The following FHOD3 variants were observed in gnomAD, a reference collection of about 807,000 sequenced individuals.
The protein encoded by FHOD3 is formin homology 2 domain containing 3, also known as FH1/FH2 domain-containing protein 3.
In FHOD3, 90 loss-of-function variants were observed where a neutral mutation model predicts 173.0. The ratio of observed to expected loss-of-function variants is 0.52; its 90% CI spans 0.44 to 0.62. FHOD3 has a LOEUF of 0.62. FHOD3 is among the 20% of genes least tolerant of loss of function. The pLI is 0.00. For synonymous variants in FHOD3, 828 were observed against 823.0 expected (o/e 1.01, Z -0.10); for missense variants, 1,945 against 2,034.7 (o/e 0.96, Z 0.85).
intron 7 of FHOD3, among the ~76,000 whole-genome samples, chr18:36,599,898 A>G (rs970501401): frequency 6.7e-6 from 1 of 148,776 alleles, no homozygotes; most frequent in Non-Finnish European, 1.5e-5. Flanking sequence ...ATATTTGAGT[A>G]TCAATTGTGT....
intron 9 of FHOD3, among the ~76,000 whole-genome samples, chr18:36,615,932 C>T (rs932211039): frequency 6.6e-6 from 1 of 152,184 alleles, no homozygotes; most frequent in Non-Finnish European, 1.5e-5. Context: ...TATTTGCTGG[C>T]AGCACTTGAA....
intron 5 of FHOD3, among the ~76,000 whole-genome samples, chr18:36,525,973 G>A (rs2056490756): frequency 6.6e-6 from 1 of 152,240 alleles, no homozygotes; most frequent in Non-Finnish European, 1.5e-5. Context: ...CTGAGTTTTA[G>A]GAAAAGATGA....
chr18:36,304,903 A>G (rs2092051281), intron 1 of FHOD3, among the ~76,000 whole-genome samples: 2 of 152,206 alleles, frequency 1.3e-5, no homozygotes, highest in African/African-American at 4.8e-5. Context: ...GCATAGCCAC[A>G]CTGGGGTGTT....
chr18:36,706,285 T>TTTAATTTGTTAA (rs1201074243), intron 17 of FHOD3, among the ~76,000 whole-genome samples: 3 of 152,186 alleles, frequency 2.0e-5, no homozygotes, highest in Non-Finnish European at 2.9e-5. Context: ...GTGACAGTTA[T>TTTAATTTGTTAA]TTAATTTGTT....
intron 28 of FHOD3, 140 bp from the exon 29 acceptor site, chr18:36,779,308 G>A (rs978080817): frequency 8.7e-6 from 6 of 693,582 alleles, no homozygotes; most frequent in South Asian, 1.8e-5. Context: ...AGAGCAGGAA[G>A]GTACAGAGTG....
At chr18:36,519,424 A>T (rs543395699) in intron 5 of FHOD3, among the ~76,000 whole-genome samples, 20 of 152,128 alleles carry the variant, frequency 1.3e-4, no homozygotes, top group Admixed American at 3.3e-4. Flanking sequence ...GCCTACCCCT[A>T]GTCTCAGGGC....
chr18:36,316,186 A>G (rs573096983), intron 1 of FHOD3, among the ~76,000 whole-genome samples: 77 of 152,130 alleles, frequency 5.1e-4, no homozygotes, highest in Admixed American at 1.8e-3. Flanking sequence ...CAGCTCCATT[A>G]AATTAACATA....
chr18:36,477,486 CCCATCCATCCATCCAT>C (rs1197297465), intron 3 of FHOD3, among the ~76,000 whole-genome samples: 4 of 125,554 alleles, frequency 3.2e-5, no homozygotes, highest in Admixed American at 7.9e-5. Context: ...CACTCACCCA[CCCATCCATCCATCCAT>C]CCATCCATCC....
At chr18:36,337,184 A>T (rs2045364601) in intron 1 of FHOD3, among the ~76,000 whole-genome samples, 1 of 152,072 alleles carries the variant, frequency 6.6e-6, no homozygotes, top group South Asian at 2.1e-4. Context: ...AAAAAAAAAA[A>T]AAAAAGTTAA....
intron 3 of FHOD3, among the ~76,000 whole-genome samples, chr18:36,384,878 C>T (rs545468040): frequency 9.9e-5 from 15 of 151,974 alleles, no homozygotes; most frequent in African/African-American, 3.4e-4. Context: ...AGGCTAAGCC[C>T]TTGGCAAGTG....
At chr18:36,756,808 A>G (rs1278008922) in intron 25 of FHOD3, among the ~76,000 whole-genome samples, 1 of 152,164 alleles carries the variant, frequency 6.6e-6, no homozygotes, top group Non-Finnish European at 1.5e-5. Context: ...AGCCCTTTCT[A>G]CAGCTCTACC....
chr18:36,656,383 CA>C (rs1256838654), intron 13 of FHOD3, among the ~76,000 whole-genome samples: 2 of 152,074 alleles, frequency 1.3e-5, no homozygotes, highest in Non-Finnish European at 2.9e-5. Context: ...CCAAGTCCCA[CA>C]AAGATGATGT....
At chr18:36,680,830 G>T (rs1175091728) in intron 14 of FHOD3, among the ~76,000 whole-genome samples, 1 of 152,178 alleles carries the variant, frequency 6.6e-6, no homozygotes, top group African/African-American at 2.4e-5. Flanking sequence ...TCATTGCCTT[G>T]TTCAATTATT....
chr18:36,521,695 G>T (rs1034436668), intron 5 of FHOD3, among the ~76,000 whole-genome samples: 1 of 152,092 alleles, frequency 6.6e-6, no homozygotes, highest in Middle Eastern at 3.2e-3. Flanking sequence ...GGCCCATTTT[G>T]CCCTCTGTTG....
intron 3 of FHOD3, among the ~76,000 whole-genome samples, chr18:36,381,112 C>T (rs1015613889): frequency 2.0e-5 from 3 of 152,174 alleles, no homozygotes; most frequent in African/African-American, 7.2e-5. Context: ...CGAGGCAGCC[C>T]TTCTGGTTTG....
chr18:36,752,226 A>G (rs1225535005), intron 24 of FHOD3, among the ~76,000 whole-genome samples: 1 of 152,162 alleles, frequency 6.6e-6, no homozygotes, highest in East Asian at 1.9e-4. Flanking sequence ...GGGAACTACA[A>G]TTTAAGATGA....
At chr18:36,653,873 C>CT (rs1427922861) in intron 13 of FHOD3, among the ~76,000 whole-genome samples, 2 of 152,124 alleles carry the variant, frequency 1.3e-5, no homozygotes, top group African/African-American at 4.8e-5. Context: ...GAAATTAGTA[C>CT]TTTATTACTT....
At position 36,614,690 on chromosome 18, in the gene FHOD3, T is replaced by G. The variant is rs558191242; in HGVS notation, c.957+2595T>G. ...GTCCACCATTTTTATTATAGCCAGC[T>G]AGTAGGTGTGAAGTGGTATCTTACT... On this transcript the variant is annotated intron_variant, in intron 9 of 28. Transcript: ENST00000590592. Among the ~76,000 whole-genome samples, 17 of 152,314 alleles carry G rather than the reference T, an allele frequency of 1.1e-4. No individual in the cohort carries two copies. The East Asian group carries it at 2.5e-3, about 22-fold the overall frequency.
chr18:36,306,583 C>G (rs554679337), intron 1 of FHOD3, among the ~76,000 whole-genome samples: 1 of 152,246 alleles, frequency 6.6e-6, no homozygotes, highest in Non-Finnish European at 1.5e-5. Flanking sequence ...GGTCATATCA[C>G]TCCTCTGCTC....
Sources: allele counts gnomAD v4.1 joint callset (sites outside exome capture counted in the v4.1 genomes callset), GRCh38; gene constraint gnomAD v4.1.1; transcripts MANE v1.5; gene names NCBI Gene and HGNC (gene_info 2026-07-23, HGNC 2026-07-21).